The following ACTR3C variants were observed in gnomAD, a reference collection of about 807,000 sequenced individuals.
The protein encoded by ACTR3C is actin-related protein 3C.
A neutral mutation model predicts 26.3 loss-of-function variants in ACTR3C; 18 were observed. The observed-to-expected ratio is 0.68, with a 90% confidence interval of 0.47 to 1.01. ACTR3C has a LOEUF of 1.01. ACTR3C is among the 50% of genes least tolerant of loss of function. The pLI is 0.00. For synonymous variants in ACTR3C, 55 were observed against 94.5 expected (o/e 0.58, Z 2.42); for missense variants, 184 against 250.7 (o/e 0.73, Z 1.80).
chr7:150,081,207 A>G, the ACTR3C span, among the ~76,000 whole-genome samples: 1 of 151,386 alleles, frequency 6.6e-6, no homozygotes, highest in East Asian at 1.9e-4. Flanking sequence ...GAAGGGAGGG[A>G]AGGAGGGAAG....
chr7:150,204,916 T>C, the ACTR3C span, among the ~76,000 whole-genome samples: 1 of 152,060 alleles, frequency 6.6e-6, no homozygotes, highest in African/African-American at 2.4e-5. Flanking sequence ...GCAAGGAACA[T>C]AGCAGGAAGG....
the ACTR3C span, among the ~76,000 whole-genome samples, chr7:150,167,745 G>A: frequency 3.1e-4 from 46 of 150,530 alleles, no homozygotes; most frequent in Admixed American, 8.5e-4. Context: ...CAAGCTCTCC[G>A]GGAGCAGGGG....
intron 6 of ACTR3C, among the ~76,000 whole-genome samples, chr7:150,252,068 C>G (rs537182000): frequency 2.0e-5 from 3 of 151,534 alleles, no homozygotes; most frequent in African/African-American, 7.3e-5. Flanking sequence ...GCTTTAACTT[C>G]GACATTTCAA....
At chr7:149,967,610 G>A in the ACTR3C span, among the ~76,000 whole-genome samples, 1 of 152,246 alleles carries the variant, frequency 6.6e-6, no homozygotes, top group Non-Finnish European at 1.5e-5. Flanking sequence ...AACCATTCCT[G>A]GCTATAAGCA....
the ACTR3C span, among the ~76,000 whole-genome samples, chr7:149,943,218 G>A: frequency 2.9e-5 from 4 of 137,432 alleles, no homozygotes; most frequent in Admixed American, 2.8e-4. Context: ...AAAAACTGTA[G>A]GTCCTGGAAA....
the ACTR3C span, among the ~76,000 whole-genome samples, chr7:150,158,651 A>G: frequency 6.6e-6 from 1 of 152,268 alleles, no homozygotes; most frequent in African/African-American, 2.4e-5. Flanking sequence ...GTAGAACATC[A>G]GTTGAGGACG....
chr7:149,919,197 AC>A, the ACTR3C span, among the ~76,000 whole-genome samples: 2 of 150,842 alleles, frequency 1.3e-5, no homozygotes, highest in Non-Finnish European at 3.0e-5. Flanking sequence ...AATAATACTC[AC>A]GCTTTCTTTT....
At chr7:149,891,248 C>T in the ACTR3C span, 1 of 1,334,338 alleles carries the variant, frequency 7.5e-7, no homozygotes, top group Non-Finnish European at 1.0e-6. Context: ...CCACTTGCTC[C>T]ATGAACCTTT....
chr7:149,921,599 G>A, the ACTR3C span, among the ~76,000 whole-genome samples: 9 of 152,236 alleles, frequency 5.9e-5, no homozygotes, highest in East Asian at 1.4e-3. Context: ...CATTCTAGCT[G>A]GGCACAGTGG....
At chr7:150,265,181 T>G (rs2530958) in intron 6 of ACTR3C, among the ~76,000 whole-genome samples, 2,196 of 151,364 alleles carry the variant, frequency 0.015, 32 homozygotes, top group Non-Finnish European at 0.021. Flanking sequence ...ATAAAACTTT[T>G]TTTCTTGAAA....
chr7:150,033,395 C>T, the ACTR3C span, among the ~76,000 whole-genome samples: 764 of 152,350 alleles, frequency 5.0e-3, 2 homozygotes, highest in African/African-American at 0.018. Flanking sequence ...GTATCAGCTC[C>T]TGACATGATT....
the ACTR3C span, among the ~76,000 whole-genome samples, chr7:150,158,605 T>C: frequency 6.6e-6 from 1 of 152,320 alleles, no homozygotes; most frequent in South Asian, 2.1e-4. Flanking sequence ...ATGATCTTAC[T>C]TGTGAAATCT....
chr7:150,124,425 T>C, the ACTR3C span, among the ~76,000 whole-genome samples: 1 of 152,222 alleles, frequency 6.6e-6, no homozygotes, highest in African/African-American at 2.4e-5. Flanking sequence ...GATGGAGTGG[T>C]ATGCAGTTGG....
At chr7:149,949,435 T>A in the ACTR3C span, among the ~76,000 whole-genome samples, 1 of 144,490 alleles carries the variant, frequency 6.9e-6, no homozygotes, top group South Asian at 2.1e-4. Context: ...AGGAAATGAA[T>A]AAAGTGAAAG....
the ACTR3C span, among the ~76,000 whole-genome samples, chr7:150,139,327 A>G: frequency 6.6e-6 from 1 of 151,496 alleles, no homozygotes; most frequent in Non-Finnish European, 1.5e-5. Flanking sequence ...CTGCCTACGC[A>G]GAAGACTGGC....
At chr7:150,091,998 A>G in the ACTR3C span, among the ~76,000 whole-genome samples, 1 of 120,878 alleles carries the variant, frequency 8.3e-6, no homozygotes, top group African/African-American at 3.4e-5. Flanking sequence ...AAAAAAAAAA[A>G]AAAAAAAAAA....
chr7:150,233,528 T>C, the ACTR3C span, among the ~76,000 whole-genome samples: 2 of 151,380 alleles, frequency 1.3e-5, no homozygotes, highest in Non-Finnish European at 2.9e-5. Context: ...GTATTCCAAA[T>C]AGATGTATAT....
the ACTR3C span, among the ~76,000 whole-genome samples, chr7:150,178,265 T>C: frequency 0.16 from 23,655 of 145,426 alleles, 4,064 homozygotes; most frequent in African/African-American, 0.4. Flanking sequence ...GATTTTCAGG[T>C]AACAAACAGG....
At chr7:150,114,502 C>A in the ACTR3C span, among the ~76,000 whole-genome samples, 8 of 151,826 alleles carry the variant, frequency 5.3e-5, no homozygotes, top group African/African-American at 1.9e-4. Flanking sequence ...AAGATAGCTT[C>A]TCTACTTAGA....
Sources: gnomAD v4.1 joint callset for allele counts (sites outside exome capture counted in the v4.1 genomes callset) on GRCh38, gnomAD v4.1.1 for gene constraint, MANE v1.5 for transcripts, NCBI Gene and HGNC (gene_info 2026-07-23, HGNC 2026-07-21) for gene names.